Variants in MVB12B observed in about 807,000 individuals in gnomAD.
The protein encoded by MVB12B is multivesicular body subunit 12B, also known as ESCRT-I complex subunit MVB12B.
In MVB12B, 16 loss-of-function variants were observed where a neutral mutation model predicts 41.6. The observed-to-expected ratio is 0.38, with a 90% CI of 0.26 to 0.58. MVB12B has a LOEUF of 0.58. Ranked by LOEUF, MVB12B falls within the 20% of genes least tolerant of loss-of-function variation. The pLI, the probability that MVB12B is intolerant of heterozygous loss-of-function variation, is 0.62. For missense variants in MVB12B, 274 were observed against 380.2 expected, an observed-to-expected ratio of 0.72 and a Z score of 2.32; for synonymous variants, 133 against 139.7, an observed-to-expected ratio of 0.95 and a Z score of 0.34.
At position 126,401,323 on chromosome 9, in the gene MVB12B, T is replaced by C. The variant is rs76175723; in HGVS notation, c.662+5626T>C. On this transcript the variant is annotated intron_variant, in intron 6 of 9. Transcript: ENST00000361171. ...GACGTGTTGCTCGCTATTGCAGTCA[T>C]CTTCCTGTAATTTGTCAGCTCCCAG... is the stretch of plus-strand genomic sequence containing the variant. Among the ~76,000 whole-genome samples, 719 of 152,342 alleles carry C rather than the reference T, an allele frequency of 4.7e-3. 13 individuals are homozygous for C. Among genetic ancestry groups the C allele is most frequent in the African/African-American group, 0.017 (694 of 41,570 alleles).
chr9:126,353,844 C>G (rs1306867647), intron 2 of MVB12B, among the ~76,000 whole-genome samples: 1 of 152,034 alleles, frequency 6.6e-6, no homozygotes, highest in African/African-American at 2.4e-5. Context: ...ATGAGTATTC[C>G]CATTCATACA....
intron 9 of MVB12B, among the ~76,000 whole-genome samples, chr9:126,487,939 G>A (rs1833654500): frequency 6.6e-6 from 1 of 152,190 alleles, no homozygotes; most frequent in South Asian, 2.1e-4. Context: ...TTTAACCTGA[G>A]GACTTAAAAG....
rs13293576 is a variant in MVB12B at position 126,367,418 on chromosome 9, G to A, written c.205-13646G>A. Among the ~76,000 whole-genome samples the A allele has an allele frequency of 2.6e-5, 4 of 152,156 alleles. No homozygotes were observed. Among genetic ancestry groups the A allele is most frequent in the African/African-American group, 4.8e-5 (2 of 41,500 alleles). ...CAACCCCACGCTTCCCACATGTGCC[G>A]GGGAGGACCCACACCCTGGCCTTTT... On this transcript the variant is annotated intron_variant, in intron 2 of 9. Transcript: ENST00000361171. The surrounding 1 kb of genome is among the most constrained non-coding windows in gnomAD (Gnocchi z 4.3).
intron 6 of MVB12B, among the ~76,000 whole-genome samples, chr9:126,412,480 C>T (rs1831680091): frequency 6.6e-6 from 1 of 152,202 alleles, no homozygotes; most frequent in Admixed American, 6.5e-5. Flanking sequence ...ATATAGAAAA[C>T]AAGGTGTCCC....
At chr9:126,488,723 T>C (rs1833673071) in intron 9 of MVB12B, among the ~76,000 whole-genome samples, 1 of 151,956 alleles carries the variant, frequency 6.6e-6, no homozygotes, top group Admixed American at 6.5e-5. Flanking sequence ...TGAAGGGAAA[T>C]AGAAGTGTGA....
chr9:126,452,092 C>T (rs1832898571), intron 7 of MVB12B, among the ~76,000 whole-genome samples: 1 of 152,196 alleles, frequency 6.6e-6, no homozygotes, highest in African/African-American at 2.4e-5. Context: ...GTGTCAGGCA[C>T]CAGCAGATGC....
rs1831103373 is a variant in MVB12B, at chr9:126,395,998, CTGTA to C, written c.662+303_662+306del. 1 of 1,180,174 alleles carries C rather than the reference CTGTA, an allele frequency of 8.5e-7. No individual in the cohort carries two copies. The highest frequency in any genetic ancestry group is 1.1e-6 in the Non-Finnish European group (1 of 950,262). 73.1% of individuals were successfully genotyped at this position (1,180,174 alleles called of 1,614,324 possible). A position where few individuals can be genotyped will look rare whatever the true frequency, so the allele number is the denominator to read the frequency against. On this transcript the variant is annotated intron_variant, in intron 6 of 9. Transcript: ENST00000361171. The surrounding 1 kb of genome is among the most constrained non-coding windows in gnomAD (Gnocchi z 4.9). ...GCTGCTAGCTACACACAGACACGTGCTGTATAGCCATGGGGTTGGGATCACTGGC... is the reference window on the plus strand; with the variant it reads ...GCTGCTAGCTACACACAGACACGTGCTAGCCATGGGGTTGGGATCACTGGC...
At chr9:126,357,985 T>C (rs2118881785) in intron 2 of MVB12B, among the ~76,000 whole-genome samples, 1 of 152,324 alleles carries the variant, frequency 6.6e-6, no homozygotes, top group South Asian at 2.1e-4. Context: ...GTATTTCAAG[T>C]TAATGGTTAT....
chr9:126,339,367 G>C (rs761422903), intron 1 of MVB12B, among the ~76,000 whole-genome samples: 5 of 152,176 alleles, frequency 3.3e-5, no homozygotes, highest in African/African-American at 4.8e-5. Context: ...TGCAGCCAGT[G>C]GAGTTTAATT....
chr9:126,466,675 C>T (rs1419449102), intron 7 of MVB12B, among the ~76,000 whole-genome samples: 1 of 152,162 alleles, frequency 6.6e-6, no homozygotes, highest in African/African-American at 2.4e-5. Context: ...TATTTACATA[C>T]ACTTTAGAGC....
chr9:126,412,645 T>C (rs1227217132), intron 6 of MVB12B, among the ~76,000 whole-genome samples: 1 of 152,198 alleles, frequency 6.6e-6, no homozygotes, highest in African/African-American at 2.4e-5. Context: ...TTAAAACATA[T>C]GGAAGAGCAG....
At chr9:126,416,075 C>T (rs1294433794) in intron 6 of MVB12B, among the ~76,000 whole-genome samples, 8 of 152,198 alleles carry the variant, frequency 5.3e-5, no homozygotes, top group African/African-American at 1.9e-4. Context: ...CCAGAGCTGG[C>T]AGCACTTCTC....
At chr9:126,383,197 C>T (rs183077642) in intron 3 of MVB12B, among the ~76,000 whole-genome samples, 1 of 152,140 alleles carries the variant, frequency 6.6e-6, no homozygotes, top group Non-Finnish European at 1.5e-5. Context: ...CTTTGCAGAC[C>T]ATCATTTTTT....
At chr9:126,369,510 C>G (rs918617999) in intron 2 of MVB12B, among the ~76,000 whole-genome samples, 1 of 152,234 alleles carries the variant, frequency 6.6e-6, no homozygotes, top group African/African-American at 2.4e-5. Flanking sequence ...GCCCATGCCT[C>G]CCTCCTTTCC....
chr9:126,365,543 G>A (rs1004982997), intron 2 of MVB12B, among the ~76,000 whole-genome samples: 5 of 152,000 alleles, frequency 3.3e-5, no homozygotes, highest in Non-Finnish European at 7.4e-5. Context: ...GTTTCACCAT[G>A]TTGGCCAGGC....
Position 126,473,753 on chromosome 9 carries a change from CG to C in MVB12B, c.758-7613del. ...CCCACATAGCTCAGTCATCTCCCGCCGGGCCCCCTCCAATACCGGGGATTAC... is the reference window on the plus strand; with the variant it reads ...CCCACATAGCTCAGTCATCTCCCGCCGGCCCCCTCCAATACCGGGGATTAC... On this transcript the variant is annotated intron_variant, in intron 7 of 9. Coordinates refer to ENST00000361171, the MANE Select transcript of MVB12B (RefSeq NM_033446.3). This position sits in a 1 kb window ranked among gnomAD's most constrained non-coding sequence, Gnocchi z 4.0. 6.6e-6 allele frequency among the ~76,000 whole-genome samples: 1 copy of C among 152,310 alleles called. No individual in the cohort carries two copies. Among genetic ancestry groups the C allele is most frequent in the African/African-American group, 2.4e-5 (1 of 41,558 alleles).
At position 126,481,373 on chromosome 9, in the gene MVB12B, G is replaced by A. The variant is rs1215491682; in HGVS notation, c.762G>A (p.Met254Ile). ...QHSNLYAISA[M>I]DGVPFMISEK... ...TTTTTTTTTCTTCTTTTGCAGCAAT[G>A]GATGGTGTGCCTTTTATGATTTCAG... Residue 254 changes from methionine to isoleucine, a missense_variant, in exon 8 of 10, where the codon ATG (methionine) becomes ATA (isoleucine). Transcript: ENST00000361171. 1.2e-6 allele frequency: 2 copies of A among 1,613,066 alleles called. No homozygotes were observed. The highest frequency in any genetic ancestry group is 2.2e-5 in the East Asian group (1 of 44,890).
chr9:126,491,065 GTGTT>G (rs1183206790), intron 9 of MVB12B, among the ~76,000 whole-genome samples: 1 of 152,154 alleles, frequency 6.6e-6, no homozygotes, highest in East Asian at 1.9e-4. Context: ...ACATCTTTAT[GTGTT>G]TGTGCGTTGA....
intron 2 of MVB12B, among the ~76,000 whole-genome samples, chr9:126,351,662 G>A (rs1278873347): frequency 6.6e-6 from 1 of 151,932 alleles, no homozygotes; most frequent in African/African-American, 2.4e-5. Flanking sequence ...GCTAATTTTT[G>A]TACTTTTAGT....
Sources: allele counts gnomAD v4.1 joint callset (sites outside exome capture counted in the v4.1 genomes callset), GRCh38; gene constraint gnomAD v4.1.1; non-coding constraint Gnocchi (gnomAD v3.1); transcripts MANE v1.5; gene names NCBI Gene and HGNC (gene_info 2026-07-23, HGNC 2026-07-21).